The following PLXNB1 variants were observed in gnomAD, a reference collection of about 807,000 sequenced individuals.
PLXNB1 encodes the protein plexin B1.
In PLXNB1, 106 loss-of-function variants were observed where a neutral mutation model predicts 209.4. The ratio of observed to expected loss-of-function variants is 0.51; its 90% CI spans 0.43 to 0.59. PLXNB1 has a LOEUF of 0.59. Ranked by LOEUF, PLXNB1 falls within the 20% of genes least tolerant of loss-of-function variation. The pLI is 0.00. For missense variants in PLXNB1, 2,357 were observed against 2,853.2 expected, an observed-to-expected ratio of 0.83 and a Z score of 3.96; for synonymous variants, 1,167 against 1,183.2, an observed-to-expected ratio of 0.99 and a Z score of 0.28.
rs1194576501 is a variant in PLXNB1, at chr3:48,423,566, T to A, written c.1046A>T (p.Asp349Val). 1 of 1,614,028 alleles carries A rather than the reference T, an allele frequency of 6.2e-7. No homozygotes were observed. Among genetic ancestry groups the A allele is most frequent in the Non-Finnish European group, 8.5e-7 (1 of 1,180,024 alleles). ...CTCGATGTAGGCCACCTCGGTCCCA[T>A]CCTCAGCACGACCCTCCCGGGTGTA... The part of the protein sequence containing the change: ...ACYTREGRAE[D>V]GTEVAYIEYD... Residue 349 changes from aspartate (D) to valine (V), a missense_variant, in exon 3 of 38, where the codon GAT (aspartate) becomes GTT (valine). Around this residue, in one of 7 missense-constraint regions of PLXNB1, gnomAD observed 404 missense variants for 443.6 expected, o/e 0.91. Transcript: ENST00000296440.
intron 1 of PLXNB1, among the ~76,000 whole-genome samples, chr3:48,426,056 G>A (rs1429560834): frequency 1.3e-5 from 2 of 152,096 alleles, no homozygotes; most frequent in Non-Finnish European, 1.5e-5. Flanking sequence ...CCCCTCGTTT[G>A]AGAGTACTTA....
chr3:48,406,007 G>T lies in PLXNB1; in HGVS notation c.6229-209C>A, dbSNP rs1203964558. On this transcript the variant is annotated intron_variant, in intron 36 of 37. Transcript: ENST00000296440. The surrounding 1 kb of genome is among the most constrained non-coding windows in gnomAD (Gnocchi z 4.4). ...ATGGGGACAGAACAGGGTAGAGCAA[G>T]GGGGCCTCCTTGGTAGGAAGACAGC... 1.8e-5 allele frequency: 9 copies of T among 510,186 alleles called. No individual in the cohort carries two copies. In the Admixed American group the frequency reaches 2.6e-4, roughly 15 times the overall value. The allele number at this position is 510,186 out of a possible 1,614,324, so 31.6% of individuals were successfully genotyped here. A position where few individuals can be genotyped will look rare whatever the true frequency, so the allele number is the denominator to read the frequency against.
At position 48,410,830 on chromosome 3, in the gene PLXNB1, C is replaced by A; in HGVS notation, c.5416+38G>T. 6.3e-7 allele frequency: 1 copy of A among 1,581,942 alleles called. No individual in the cohort carries two copies. Among genetic ancestry groups the A allele is most frequent in the Non-Finnish European group, 8.6e-7 (1 of 1,162,940 alleles). On this transcript the variant is annotated intron_variant, in intron 29 of 37. Transcript: ENST00000296440. This position sits in a 1 kb window ranked among gnomAD's most constrained non-coding sequence, Gnocchi z 6.4. ...TGGTCCGGGGCCAGCCCAGGCCCAA[C>A]AGTGGCTCAGGTCCCCAGGGGCTCT...
Position 48,416,016 on chromosome 3 carries a change from G to C in PLXNB1, c.3617+15C>G. The C allele has an allele frequency of 6.2e-7, 1 of 1,601,006 alleles. No homozygotes were observed. On this transcript the variant is annotated intron_variant, in intron 18 of 37. Transcript: ENST00000296440. The surrounding 1 kb of genome is among the most constrained non-coding windows in gnomAD (Gnocchi z 4.1). ...GAGCAGATGGATTTTTGCAGGATGA[G>C]GAAGTGGCCCTCACAAGTGACAAGG...
intron 2 of PLXNB1, 97 bp from the exon 3 acceptor site, chr3:48,424,714 C>G: frequency 7.8e-7 from 1 of 1,288,854 alleles, no homozygotes; most frequent in Non-Finnish European, 1.0e-6. Flanking sequence ...TGCCAAGATG[C>G]TCCTCCTAAC....
intron 8 of PLXNB1, 92 bp downstream of exon 8, chr3:48,421,136 C>T: frequency 6.8e-7 from 1 of 1,480,896 alleles, no homozygotes; most frequent in Non-Finnish European, 9.2e-7. Context: ...GGCATCCATT[C>T]ATGGCTCTTT....
At chr3:48,408,861 C>T (rs1424453494) in intron 34 of PLXNB1, among the ~76,000 whole-genome samples, 1 of 152,144 alleles carries the variant, frequency 6.6e-6, no homozygotes, top group Non-Finnish European at 1.5e-5. Flanking sequence ...TGCCCTGCAC[C>T]CTCCCACCCG....
At chr3:48,425,404 AC>A in intron 1 of PLXNB1, 71 bp from the exon 2 acceptor site, 1 of 152,248 alleles carries the variant, frequency 6.6e-6, no homozygotes, top group South Asian at 2.1e-4. Context: ...TGGGCTCCCC[AC>A]CGGGGAGGCA....
intron 1 of PLXNB1, among the ~76,000 whole-genome samples, chr3:48,427,858 C>T (rs1332765574): frequency 6.6e-6 from 1 of 152,230 alleles, no homozygotes; most frequent in Non-Finnish European, 1.5e-5. Context: ...TAGCCACCAC[C>T]CTGACAGGCA....
At position 48,415,983 on chromosome 3, in the gene PLXNB1, T is replaced by C; in HGVS notation, c.3617+48A>G. On this transcript the variant is annotated intron_variant, in intron 18 of 37. Coordinates refer to ENST00000296440, the MANE Select transcript of PLXNB1 (RefSeq NM_001130082.3). The surrounding 1 kb of genome is among the most constrained non-coding windows in gnomAD (Gnocchi z 5.0). ...CCCAGGATCTCAGACCCCTCCATCTTTCCCCTGGAGCAGATGGATTTTTGC... is the reference window on the plus strand; with the variant it reads ...CCCAGGATCTCAGACCCCTCCATCTCTCCCCTGGAGCAGATGGATTTTTGC... 6.4e-7 allele frequency: 1 copy of C among 1,568,812 alleles called. No homozygotes were observed.
rs56744658 is a variant in PLXNB1 at position 48,411,342 on chromosome 3, C to A, written c.5248-306G>T. ...TTCCTGGCTGAATGGGTCAGGCTGA[C>A]GGAGTTTCGGGAAGCCTGCATTCCC... On this transcript the variant is annotated intron_variant, in intron 28 of 37. Coordinates refer to ENST00000296440, the MANE Select transcript of PLXNB1 (RefSeq NM_001130082.3). The surrounding 1 kb of genome is among the most constrained non-coding windows in gnomAD (Gnocchi z 4.0). Among the ~76,000 whole-genome samples, 3 of 152,202 alleles carry A rather than the reference C, an allele frequency of 2.0e-5. No individual in the cohort carries two copies. Among genetic ancestry groups the A allele is most frequent in the Non-Finnish European group, 4.4e-5 (3 of 68,042 alleles).
At chr3:48,421,416 G>C in intron 7 of PLXNB1, 32 bp from the exon 8 acceptor site, 1 of 1,514,854 alleles carries the variant, frequency 6.6e-7, no homozygotes, top group Non-Finnish European at 8.9e-7. Context: ...CACTGTTGGG[G>C]CTAGTGGGCA....
At position 48,415,759 on chromosome 3, in the gene PLXNB1, C is replaced by G. The variant is rs1406354269; in HGVS notation, c.3618G>C (p.Leu1206Phe). The G allele has an allele frequency of 9.7e-6, 15 of 1,541,150 alleles. No homozygotes were observed. Among genetic ancestry groups the G allele is most frequent in the Admixed American group, 2.0e-5 (1 of 50,726 alleles). The change falls in exon 19 of 38, where the codon TTG becomes TTC. Residue 1206 changes from leucine to phenylalanine, a missense_variant and splice_region_variant. Physicochemically the swap from Leu to Phe is conservative, Grantham distance 22. This residue lies in a region of PLXNB1 where 743 missense variants were observed against 896.2 expected (regional missense o/e 0.83). Coordinates refer to ENST00000296440, the MANE Select transcript of PLXNB1 (RefSeq NM_001130082.3). This position sits in a 1 kb window ranked among gnomAD's most constrained non-coding sequence, Gnocchi z 5.0. ...RVVVGDQPCH[L>F]LPEQQSEQLR... is the part of the protein sequence containing the mutation. ...GTTGTTCTGACTGCTGCTCCGGCAGCCTGGGAGGGGAGGTGGGAATGAATG... is the reference window on the plus strand; with the variant it reads ...GTTGTTCTGACTGCTGCTCCGGCAGGCTGGGAGGGGAGGTGGGAATGAATG...
In PLXNB1 at chr3:48,412,457, T is replaced by C. The variant is rs749637446; in HGVS notation, c.5018A>G (p.Lys1673Arg). The C allele has an allele frequency of 6.2e-7, 1 of 1,613,538 alleles. No individual in the cohort carries two copies. Among genetic ancestry groups the C allele is most frequent in the Non-Finnish European group, 8.5e-7 (1 of 1,180,020 alleles). The change falls in exon 26 of 38, where the codon AAG becomes AGG. Residue 1673 changes from lysine to arginine, a missense_variant. Physicochemically the swap from Lys to Arg is conservative, Grantham distance 26. Transcript: ENST00000296440. Reference sequence around the variant, plus strand: ...CCACACAGACCTGCGCAGCATCAGCTTGGGGTTCTTGGCCACATACTGGGC... The same window carrying C: ...CCACACAGACCTGCGCAGCATCAGCCTGGGGTTCTTGGCCACATACTGGGC... The part of the protein sequence containing the change: ...LVAQYVAKNP[K>R]LMLRRTETVV...
At position 48,421,229 on chromosome 3, in the gene PLXNB1, G is replaced by A. The variant is rs370102695; in HGVS notation, c.1809C>T (p.Ala603=). Residue 603 remains alanine (A), a splice_region_variant and synonymous_variant, in exon 8 of 38, where the codon GCC becomes GCT. Transcript: ENST00000296440. ...AGGCTGGCCCATTCTCTCACCCACCGGCTCCTCTCGGCAGCACTGGGGCCT... is the reference window on the plus strand; with the variant it reads ...AGGCTGGCCCATTCTCTCACCCACCAGCTCCTCTCGGCAGCACTGGGGCCT... ...PSEAPVLPRG[A]DYVSVSVELR... 1.5e-5 allele frequency: 24 copies of A among 1,612,760 alleles called. No individual in the cohort carries two copies. Among genetic ancestry groups the A allele is most frequent in the Middle Eastern group, 1.7e-4 (1 of 5,978 alleles).
chr3:48,420,209 A>C lies in PLXNB1; in HGVS notation c.2077T>G (p.Ser693Ala). Residue 693 changes from serine (S) to alanine (A), a missense_variant, in exon 11 of 38, where the codon TCC becomes GCC. Physicochemically the swap from Ser to Ala is moderately conservative, Grantham distance 99 (BLOSUM62 1). Coordinates refer to ENST00000296440, the MANE Select transcript of PLXNB1 (RefSeq NM_001130082.3). ...DPPARGGPSP[S>A]PPTAPKALAT... Reference sequence around the variant, plus strand: ...AGGGCTTTGGGGGCTGTGGGTGGGGAGGGGCTGGGTCCACCTCTTGCAGGA... The same window carrying C: ...AGGGCTTTGGGGGCTGTGGGTGGGGCGGGGCTGGGTCCACCTCTTGCAGGA... 2 of 664,334 alleles carry C rather than the reference A, an allele frequency of 3.0e-6. No homozygotes were observed. Among genetic ancestry groups the C allele is most frequent in the Non-Finnish European group, 4.5e-6 (2 of 443,106 alleles). The allele number at this position is 664,334 out of a possible 1,614,324, so 41.2% of individuals were successfully genotyped here.
At position 48,411,846 on chromosome 3, in the gene PLXNB1, C is replaced by A; in HGVS notation, c.5247+17G>T. 1 of 1,612,790 alleles carries A rather than the reference C, an allele frequency of 6.2e-7. No individual in the cohort carries two copies. The highest frequency in any genetic ancestry group is 8.5e-7 in the Non-Finnish European group (1 of 1,179,354). On this transcript the variant is annotated intron_variant, in intron 28 of 37. Transcript: ENST00000296440. The surrounding 1 kb of genome is among the most constrained non-coding windows in gnomAD (Gnocchi z 4.0). ...CACCGCACTCAGACTGCAGGCCACA[C>A]ACTTGCACACCCTCACCAGGGGACG...
chr3:48,419,669 C>T lies in PLXNB1; in HGVS notation c.2617G>A (p.Gly873Arg). Residue 873 changes from glycine (G) to arginine (R), a missense_variant, in exon 11 of 38, where the codon GGA becomes AGA. Coordinates refer to ENST00000296440, the MANE Select transcript of PLXNB1 (RefSeq NM_001130082.3). This position sits in a 1 kb window ranked among gnomAD's most constrained non-coding sequence, Gnocchi z 5.7. The stretch of plus-strand genomic sequence containing the variant: ...GGGCCCTCAAGCTCTGCTGAGTCTC[C>T]ATCACCTGAGAGGAGGGTGGAAGTG... ...FSTSTLLSGDGDSAELEGPPA... is the reference protein window; with the variant it reads ...FSTSTLLSGDRDSAELEGPPA... The T allele has an allele frequency of 6.2e-7, 1 of 1,612,632 alleles. No individual in the cohort carries two copies. Among genetic ancestry groups the T allele is most frequent in the Non-Finnish European group, 8.5e-7 (1 of 1,179,974 alleles).
At chr3:48,408,446 G>C (rs1246252714) in intron 34 of PLXNB1, among the ~76,000 whole-genome samples, 1 of 152,148 alleles carries the variant, frequency 6.6e-6, no homozygotes, top group Non-Finnish European at 1.5e-5. Context: ...TGCCCACTGG[G>C]TGCTTGAGCA....
Sources: gnomAD v4.1 joint callset for allele counts (sites outside exome capture counted in the v4.1 genomes callset) on GRCh38, gnomAD v4.1.1 for gene constraint, gnomAD v4.1.1 regional missense constraint, Gnocchi (gnomAD v3.1) non-coding constraint, MANE v1.5 for transcripts, NCBI Gene and HGNC (gene_info 2026-07-23, HGNC 2026-07-21) for gene names.